Variants in TRRAP observed in about 807,000 individuals in gnomAD.
The protein encoded by TRRAP is transformation/transcription domain-associated protein.
TRRAP carries 41 observed loss-of-function variants against 438.8 expected under a neutral mutation model. The observed-to-expected ratio is 0.09, with a 90% confidence interval of 0.07 to 0.12. TRRAP has a LOEUF of 0.12. Ranked by LOEUF, TRRAP falls within the 10% of genes least tolerant of loss-of-function variation. The pLI is 1.00. For missense variants in TRRAP, 3,122 were observed against 5,055.1 expected, an observed-to-expected ratio of 0.62 and a Z score of 11.60; for synonymous variants, 1,994 against 1,962.9, an observed-to-expected ratio of 1.02 and a Z score of -0.42.
intron 19 of TRRAP, 41 bp downstream of exon 19, chr7:98,915,929 C>A: frequency 6.2e-7 from 1 of 1,609,372 alleles, no homozygotes; most frequent in South Asian, 1.1e-5. Flanking sequence ...TCTTGTGTGT[C>A]ATGTAGTCAT....
At chr7:98,989,364 G>A (rs1793287481) in intron 63 of TRRAP, among the ~76,000 whole-genome samples, 1 of 152,212 alleles carries the variant, frequency 6.6e-6, no homozygotes, top group African/African-American at 2.4e-5. Context: ...GTGGTTGTGG[G>A]TTTCTCTCTG....
At chr7:98,978,151 A>G in intron 56 of TRRAP, 60 bp from the exon 57 acceptor site, 1 of 1,441,912 alleles carries the variant, frequency 6.9e-7, no homozygotes. Flanking sequence ...TTAAATTTAA[A>G]AAGAAAGAAA....
intron 7 of TRRAP, 75 bp from the exon 8 acceptor site, chr7:98,897,665 TG>T: frequency 7.0e-7 from 1 of 1,436,688 alleles, no homozygotes. Context: ...CTTTTTGTTT[TG>T]TTTTGTTTTG....
chr7:98,955,205 C>T lies in TRRAP; in HGVS notation c.5838C>T (p.His1946=). ...PAVPARMEDG[H]QMLTHWTRKI... Reference sequence around the variant, plus strand: ...TGCCGGCCAGGATGGAGGACGGGCACCAGATGCTGACCCACTGGACCCGGA... The same window carrying T: ...TGCCGGCCAGGATGGAGGACGGGCATCAGATGCTGACCCACTGGACCCGGA... The change falls in exon 41 of 73, where the codon CAC becomes CAT. Residue 1946 remains histidine (H), a synonymous_variant. Transcript: ENST00000456197. 6.2e-7 allele frequency: 1 copy of T among 1,614,204 alleles called. No individual in the cohort carries two copies. The highest frequency in any genetic ancestry group is 1.3e-5 in the African/African-American group (1 of 75,064).
intron 19 of TRRAP, among the ~76,000 whole-genome samples, chr7:98,916,673 C>T (rs1554409592): frequency 6.6e-6 from 1 of 152,152 alleles, no homozygotes; most frequent in African/African-American, 2.4e-5. Context: ...CTGCTGGAGC[C>T]CCTGTTCACA....
intron 51 of TRRAP, among the ~76,000 whole-genome samples, chr7:98,969,469 A>G (rs1165212138): frequency 6.6e-6 from 1 of 152,170 alleles, no homozygotes; most frequent in Non-Finnish European, 1.5e-5. Flanking sequence ...CTTCCCCCTG[A>G]CACTTCAGCT....
At chr7:98,993,471 G>C (rs940267915) in intron 65 of TRRAP, 67 bp from the exon 66 acceptor site, 1 of 1,548,208 alleles carries the variant, frequency 6.5e-7, no homozygotes, top group African/African-American at 1.4e-5. Flanking sequence ...CATGGGTCCT[G>C]CAGCGCTCCG....
Position 98,945,957 on chromosome 7 carries a change from A to G in TRRAP, c.4548+7A>G. 3.4e-6 allele frequency: 5 copies of G among 1,456,882 alleles called. No homozygotes were observed. In the South Asian group the frequency reaches 5.1e-5, roughly 15 times the overall value. 90.2% of individuals were successfully genotyped at this position (1,456,882 alleles called of 1,614,324 possible). On this transcript the variant is annotated splice_region_variant and intron_variant, in intron 33 of 72. Coordinates refer to ENST00000456197, the MANE Select transcript of TRRAP (RefSeq NM_001375524.1). ...TGCCATGGAAGGGGTAGAGGTGAGA[A>G]CTTGAGCGGAGCTACAGGAGGGGGT...
chr7:98,892,367 A>T, intron 4 of TRRAP, 57 bp from the exon 5 acceptor site: 1 of 1,415,140 alleles, frequency 7.1e-7, no homozygotes, highest in Non-Finnish European at 9.9e-7. Flanking sequence ...TGAGATAATT[A>T]ATTTGGAACC....
chr7:98,953,107 C>T, intron 39 of TRRAP, 60 bp from the exon 40 acceptor site: 9 of 1,566,378 alleles, frequency 5.7e-6, no homozygotes, highest in Non-Finnish European at 6.9e-6. Context: ...TGTCGTATGA[C>T]CCTCAGTCAG....
intron 16 of TRRAP, 147 bp from the exon 17 acceptor site, chr7:98,910,930 G>A: frequency 1.6e-6 from 1 of 644,466 alleles, no homozygotes; most frequent in Middle Eastern, 4.6e-4. Context: ...GGTGAGAAAG[G>A]AGAATTTAAA....
chr7:98,987,922 C>T (rs1454892048), intron 62 of TRRAP, among the ~76,000 whole-genome samples: 2 of 151,990 alleles, frequency 1.3e-5, no homozygotes, highest in Non-Finnish European at 2.9e-5. Context: ...TTTCTGTGTC[C>T]TCTGAGATGA....
At chr7:98,900,965 T>C (rs1297392046) in intron 11 of TRRAP, among the ~76,000 whole-genome samples, 1 of 152,272 alleles carries the variant, frequency 6.6e-6, no homozygotes, top group African/African-American at 2.4e-5. Context: ...TTTTGTCCTT[T>C]CTAGAATGTC....
chr7:98,971,248 G>A (rs1792404598), intron 52 of TRRAP, among the ~76,000 whole-genome samples: 1 of 152,134 alleles, frequency 6.6e-6, no homozygotes, highest in Non-Finnish European at 1.5e-5. Flanking sequence ...AAATTGCCAA[G>A]TCTGAAGTTC....
intron 53 of TRRAP, among the ~76,000 whole-genome samples, chr7:98,975,170 A>T (rs1358721709): frequency 6.6e-6 from 1 of 152,240 alleles, no homozygotes; most frequent in Admixed American, 6.5e-5. Context: ...CTGATGACAG[A>T]TACTTAGGAG....
At position 98,959,949 on chromosome 7, in the gene TRRAP, AAAAAAG is replaced by A. The variant is rs1436048275; in HGVS notation, c.6489+470_6489+475del. On this transcript the variant is annotated intron_variant, in intron 45 of 72. Transcript: ENST00000456197. ...GACCTGGTCTCTTAAAAAAAAAAAA[AAAAAAG>A]AAAAAGAAAAGAAAAGAAAGAATGG... Among the ~76,000 whole-genome samples, 37 of 149,912 alleles carry A rather than the reference AAAAAAG, an allele frequency of 2.5e-4. 1 individual carries two copies. Among genetic ancestry groups the A allele is most frequent in the African/African-American group, 8.7e-4 (35 of 40,198 alleles).
intron 28 of TRRAP, among the ~76,000 whole-genome samples, chr7:98,936,448 T>C (rs1790560892): frequency 6.6e-6 from 1 of 152,192 alleles, no homozygotes. Flanking sequence ...CTGTTAGCCA[T>C]TGTGGGTGCT....
At position 99,004,005 on chromosome 7, in the gene TRRAP, G is replaced by A. The variant is rs191397859; in HGVS notation, c.10310-185G>A. Among the ~76,000 whole-genome samples, 415 of 152,234 alleles carry A rather than the reference G, an allele frequency of 2.7e-3. 2 individuals carry two copies. Among genetic ancestry groups the A allele is most frequent in the African/African-American group, 9.5e-3 (394 of 41,536 alleles). Reference sequence around the variant, plus strand: ...GGAGAATCACTGAAACCCGGGAGGCGGACGTTGCAGTGAGCGGAGATCGCA... The same window carrying A: ...GGAGAATCACTGAAACCCGGGAGGCAGACGTTGCAGTGAGCGGAGATCGCA... On this transcript the variant is annotated intron_variant, in intron 67 of 72. Transcript: ENST00000456197.
intron 5 of TRRAP, among the ~76,000 whole-genome samples, 177 bp downstream of exon 5, chr7:98,892,705 A>G (rs1370941759): frequency 6.6e-6 from 1 of 152,190 alleles, no homozygotes; most frequent in African/African-American, 2.4e-5. Flanking sequence ...CAGAAAGATT[A>G]CTTAATTGAA....
Sources: allele counts gnomAD v4.1 joint callset (sites outside exome capture counted in the v4.1 genomes callset), GRCh38; gene constraint gnomAD v4.1.1; transcripts MANE v1.5; gene names NCBI Gene and HGNC (gene_info 2026-07-23, HGNC 2026-07-21).